The following DISC1 variants were observed in gnomAD, a reference collection of about 807,000 sequenced individuals.
DISC1 encodes the protein DISC1 scaffold protein.
DISC1 carries 57 observed loss-of-function variants against 84.5 expected under a neutral mutation model. The observed-to-expected ratio is 0.67, with a 90% confidence interval of 0.55 to 0.84. The LOEUF (loss-of-function observed/expected upper bound fraction) is 0.84. Among genes scored for constraint, DISC1 ranks in the 40% least tolerant of loss-of-function variants. The pLI is 0.00. For missense variants in DISC1, 1,000 were observed against 1,057.8 expected (o/e 0.95, Z 0.76); for synonymous variants, 411 against 415.2 (o/e 0.99, Z 0.12).
At chr1:231,928,355 T>A (rs2090465456) in intron 9 of DISC1, among the ~76,000 whole-genome samples, 1 of 152,184 alleles carries the variant, frequency 6.6e-6, no homozygotes, top group South Asian at 2.1e-4. Flanking sequence ...CAGCAGGAGA[T>A]GATTTTTGGT....
At chr1:231,686,946 A>G (rs2064352986) in intron 1 of DISC1, among the ~76,000 whole-genome samples, 1 of 152,146 alleles carries the variant, frequency 6.6e-6, no homozygotes, top group South Asian at 2.1e-4. Flanking sequence ...AATGCTGCCC[A>G]TCTCTTTGCT....
rs534767515 is a variant in DISC1 at position 231,645,868 on chromosome 1, T to G, written c.67+18934T>G. Reference sequence around the variant, plus strand: ...CATCCTTTTTTATGGCTGCGTAGTATTCCATGGTGTATATGTGCCACATTT... The same window carrying G: ...CATCCTTTTTTATGGCTGCGTAGTAGTCCATGGTGTATATGTGCCACATTT... On this transcript the variant is annotated intron_variant, in intron 1 of 12. Coordinates refer to ENST00000439617, the MANE Select transcript of DISC1 (RefSeq NM_018662.3). Among the ~76,000 whole-genome samples, 4 of 151,716 alleles carry G rather than the reference T, an allele frequency of 2.6e-5. No homozygotes were observed. The South Asian group carries it at 8.3e-4, about 32-fold the overall frequency.
chr1:232,001,716 A>G (rs527919873), intron 10 of DISC1, among the ~76,000 whole-genome samples: 1 of 152,312 alleles, frequency 6.6e-6, no homozygotes, highest in African/African-American at 2.4e-5. Context: ...TAAGTCTCAT[A>G]CTTCATGCAA....
chr1:231,936,492 A>T (rs950665619), intron 9 of DISC1, among the ~76,000 whole-genome samples: 2 of 152,222 alleles, frequency 1.3e-5, no homozygotes, highest in Non-Finnish European at 2.9e-5. Context: ...ACAGCATTGC[A>T]TTCTTCATTT....
At chr1:231,884,440 G>A (rs2086529124) in intron 9 of DISC1, among the ~76,000 whole-genome samples, 1 of 151,854 alleles carries the variant, frequency 6.6e-6, no homozygotes, top group East Asian at 1.9e-4. Flanking sequence ...TTCTTTTTTT[G>A]TGGCTGTGTA....
At chr1:231,677,769 A>G (rs2063301950) in intron 1 of DISC1, among the ~76,000 whole-genome samples, 1 of 152,240 alleles carries the variant, frequency 6.6e-6, no homozygotes, top group Non-Finnish European at 1.5e-5. Context: ...GCCTGAGGTC[A>G]GGAGTTTGAG....
Position 231,734,025 on chromosome 1 carries a change from T to G in DISC1, c.1118-15901T>G, listed in dbSNP as rs183046597. ...GGTGGTGGTGGCCGTATTGGTGGTG[T>G]TGGTGATGGTGGGAATGTTTGTGAG... is the stretch of plus-strand genomic sequence containing the variant. On this transcript the variant is annotated intron_variant, in intron 3 of 12. Transcript: ENST00000439617. Among the ~76,000 whole-genome samples the G allele has an allele frequency of 3.0e-3, 453 of 151,102 alleles. 1 individual carries two copies. The highest frequency in any genetic ancestry group is 0.011 in the African/African-American group (437 of 41,082).
rs545462174 is a variant in DISC1 at position 231,756,344 on chromosome 1, C to T, written c.1268+6268C>T. The stretch of plus-strand genomic sequence containing the variant: ...CTGTTTTCTTGAATATCTGTTTACT[C>T]TGACAGATGATAAGCTCCTTGAGGA... On this transcript the variant is annotated intron_variant, in intron 4 of 12. Coordinates refer to ENST00000439617, the MANE Select transcript of DISC1 (RefSeq NM_018662.3). Among the ~76,000 whole-genome samples, 182 of 152,226 alleles carry T rather than the reference C, an allele frequency of 1.2e-3. 1 individual carries two copies. Among genetic ancestry groups the T allele is most frequent in the Admixed American group, 2.0e-3 (30 of 15,274 alleles).
chr1:231,819,045 C>T (rs746772515), intron 9 of DISC1: 59 of 988,234 alleles, frequency 6.0e-5, no homozygotes, highest in Non-Finnish European at 7.1e-5. Flanking sequence ...TTCAAGTGTT[C>T]CTGTGTTCTT....
chr1:231,802,484 G>C (rs2079351963), intron 8 of DISC1, among the ~76,000 whole-genome samples: 1 of 152,114 alleles, frequency 6.6e-6, no homozygotes, highest in South Asian at 2.1e-4. Context: ...AAATTACCCA[G>C]TCTCAGGTGG....
intron 12 of DISC1, among the ~76,000 whole-genome samples, chr1:232,026,897 C>T (rs988381691): frequency 2.6e-5 from 4 of 151,132 alleles, no homozygotes; most frequent in Non-Finnish European, 4.4e-5. Flanking sequence ...TACAGGTGCC[C>T]GCCAGCACGC....
At chr1:231,910,014 G>T (rs533138416) in intron 9 of DISC1, among the ~76,000 whole-genome samples, 1 of 152,248 alleles carries the variant, frequency 6.6e-6, no homozygotes, top group South Asian at 2.1e-4. Context: ...TGTGGGATCG[G>T]TGGTGATATC....
intron 1 of DISC1, among the ~76,000 whole-genome samples, chr1:231,642,366 C>T (rs984601527): frequency 6.6e-6 from 1 of 152,126 alleles, no homozygotes; most frequent in Non-Finnish European, 1.5e-5. Context: ...AGTGCAGCGG[C>T]GGGCGGAAGG....
At chr1:231,991,572 G>A (rs7536084) in intron 10 of DISC1, among the ~76,000 whole-genome samples, 1,537 of 152,272 alleles carry the variant, frequency 0.01, 29 homozygotes, top group African/African-American at 0.035. Context: ...CAAAACGGGG[G>A]GCCCCACAAA....
intron 9 of DISC1, among the ~76,000 whole-genome samples, chr1:231,952,789 A>G (rs963239335): frequency 2.6e-5 from 4 of 151,388 alleles, no homozygotes; most frequent in Non-Finnish European, 4.4e-5. Flanking sequence ...GTTCTTCCCT[A>G]CATTTTACAA....
At chr1:231,841,806 T>G (rs12139080) in intron 9 of DISC1, among the ~76,000 whole-genome samples, 12,727 of 108,904 alleles carry the variant, frequency 0.12, 687 homozygotes, top group African/African-American at 0.19. Flanking sequence ...TATTAATAAC[T>G]GTTAATCAAC....
intron 10 of DISC1, among the ~76,000 whole-genome samples, chr1:231,974,178 T>C (rs1029469807): frequency 6.6e-6 from 1 of 152,078 alleles, no homozygotes; most frequent in Non-Finnish European, 1.5e-5. Context: ...GAGGGCAGCA[T>C]GTGCGGGTGC....
chr1:231,864,161 C>T (rs568133535), intron 9 of DISC1, among the ~76,000 whole-genome samples: 5 of 152,256 alleles, frequency 3.3e-5, no homozygotes, highest in East Asian at 1.9e-4. Context: ...ATTTATAAAA[C>T]GATACTTGCA....
chr1:231,833,834 A>G (rs2082421442), intron 9 of DISC1, among the ~76,000 whole-genome samples: 1 of 152,180 alleles, frequency 6.6e-6, no homozygotes. Context: ...CTACTCTATT[A>G]TTGTACACCT....
Sources: allele counts gnomAD v4.1 joint callset (sites outside exome capture counted in the v4.1 genomes callset), GRCh38; gene constraint gnomAD v4.1.1; transcripts MANE v1.5; gene names NCBI Gene and HGNC (gene_info 2026-07-23, HGNC 2026-07-21).